The following RBM6 variants were observed in gnomAD, a reference collection of about 807,000 sequenced individuals.
The protein encoded by RBM6 is RNA binding motif protein 6, also known as RNA-binding protein 6.
A neutral mutation model predicts 140.4 loss-of-function variants in RBM6; 23 were observed. The ratio of observed to expected loss-of-function variants is 0.16; its 90% CI spans 0.12 to 0.23. RBM6 has a LOEUF of 0.23. RBM6 is among the 10% of genes least tolerant of loss of function. The probability of loss-of-function intolerance (pLI) is 1.00; values close to 1 mark genes in which losing one functional copy is unlikely to be tolerated. For synonymous variants in RBM6, 439 were observed against 475.6 expected (o/e 0.92, Z 1.00); for missense variants, 1,139 against 1,386.7 (o/e 0.82, Z 2.84).
intron 7 of RBM6, chr3:50,054,068 T>C (rs2089599966): frequency 2.7e-6 from 1 of 371,504 alleles, no homozygotes; most frequent in Non-Finnish European, 4.9e-6. Context: ...CTAGGCATAT[T>C]TCCTATAGGA....
At chr3:50,060,331 C>T (rs1004725107) in intron 11 of RBM6, among the ~76,000 whole-genome samples, 1 of 152,060 alleles carries the variant, frequency 6.6e-6, no homozygotes, top group African/African-American at 2.4e-5. Flanking sequence ...TCATCTTGAC[C>T]CAGGAGTGGT....
At chr3:49,950,672 T>C (rs536949766) in intron 1 of RBM6, among the ~76,000 whole-genome samples, 7 of 152,114 alleles carry the variant, frequency 4.6e-5, no homozygotes, top group Admixed American at 3.3e-4. Context: ...GGAGAATCGC[T>C]TGAATCCGGG....
chr3:49,977,147 A>G (rs1040900497), intron 5 of RBM6, among the ~76,000 whole-genome samples: 3 of 152,292 alleles, frequency 2.0e-5, no homozygotes, highest in East Asian at 3.9e-4. Context: ...TTACAAACCC[A>G]TGCGTGAGCT....
intron 5 of RBM6, among the ~76,000 whole-genome samples, chr3:49,982,825 T>C (rs766289085): frequency 6.6e-6 from 1 of 152,070 alleles, no homozygotes; most frequent in Non-Finnish European, 1.5e-5. Context: ...TCAATTCTCC[T>C]GCCTCAGCCT....
chr3:50,069,101 A>G (rs2090207712), intron 18 of RBM6, among the ~76,000 whole-genome samples: 1 of 152,188 alleles, frequency 6.6e-6, no homozygotes, highest in Non-Finnish European at 1.5e-5. Context: ...TTACTATTAA[A>G]GGCTAAGCTG....
intron 1 of RBM6, among the ~76,000 whole-genome samples, chr3:49,943,221 C>A (rs2083358901): frequency 6.6e-6 from 1 of 152,108 alleles, no homozygotes; most frequent in African/African-American, 2.4e-5. Flanking sequence ...ACAAATATCT[C>A]TTTGAGTCCC....
intron 6 of RBM6, among the ~76,000 whole-genome samples, chr3:50,029,963 G>A (rs2088055758): frequency 6.6e-6 from 1 of 151,254 alleles, no homozygotes; most frequent in Non-Finnish European, 1.5e-5. Flanking sequence ...CCAAGAGGTC[G>A]AGAGTACAGT....
At chr3:49,956,738 T>C (rs2084009647) in intron 1 of RBM6, among the ~76,000 whole-genome samples, 1 of 152,074 alleles carries the variant, frequency 6.6e-6, no homozygotes, top group Admixed American at 6.6e-5. Flanking sequence ...TAATCTCAGC[T>C]CACCGCAGCC....
At chr3:49,943,978 G>T (rs2083388515) in intron 1 of RBM6, among the ~76,000 whole-genome samples, 1 of 152,098 alleles carries the variant, frequency 6.6e-6, no homozygotes, top group Admixed American at 6.6e-5. Flanking sequence ...GTGTGAAGTG[G>T]TATCTCGTTG....
At chr3:50,028,017 C>G (rs2087937023) in intron 6 of RBM6, among the ~76,000 whole-genome samples, 1 of 150,922 alleles carries the variant, frequency 6.6e-6, no homozygotes, top group African/African-American at 2.4e-5. Flanking sequence ...TTGCATTACC[C>G]ATTTGAATTC....
chr3:49,990,656 G>T (rs2108705066), intron 5 of RBM6, among the ~76,000 whole-genome samples: 1 of 152,262 alleles, frequency 6.6e-6, no homozygotes, highest in East Asian at 1.9e-4. Context: ...TTTATCAAAT[G>T]AATCTTTTTT....
intron 6 of RBM6, among the ~76,000 whole-genome samples, chr3:50,021,740 C>CTGTTTT (rs2087492523): frequency 4.7e-5 from 2 of 42,732 alleles, no homozygotes; most frequent in Non-Finnish European, 8.2e-5. Flanking sequence ...AATTTAAGTG[C>CTGTTTT]TTTTTTTTTT....
At chr3:49,965,466 A>G (rs1015988271) in intron 2 of RBM6, among the ~76,000 whole-genome samples, 2 of 151,770 alleles carry the variant, frequency 1.3e-5, no homozygotes, top group African/African-American at 4.8e-5. Context: ...TCAGGAGATC[A>G]AGACCATCCT....
chr3:50,028,779 T>C (rs2087980935), intron 6 of RBM6, among the ~76,000 whole-genome samples: 1 of 152,198 alleles, frequency 6.6e-6, no homozygotes, highest in Admixed American at 6.5e-5. Flanking sequence ...GCTAAATAAA[T>C]ACATATTTGT....
chr3:49,953,536 T>C (rs1192928687), intron 1 of RBM6, among the ~76,000 whole-genome samples: 2 of 148,580 alleles, frequency 1.3e-5, no homozygotes, highest in African/African-American at 5.0e-5. Context: ...TTTTTTTTTT[T>C]TTGAGACCGT....
In RBM6 at chr3:50,048,137, CTT is replaced by C. The variant is rs1363832152; in HGVS notation, c.1558-106_1558-105del. The C allele has an allele frequency of 5.3e-6, 8 of 1,500,532 alleles. No individual in the cohort carries two copies. The East Asian group carries it at 1.5e-4, about 27-fold the overall frequency. The allele number at this position is 1,500,532 out of a possible 1,614,324, so 93.0% of individuals were successfully genotyped here. On this transcript the variant is annotated intron_variant, in intron 6 of 20. Transcript: ENST00000266022. ...CTTTCACCAGTGAATTAAGCTCACT[CTT>C]TATAAAATGTTTCAGCTTGGGGATT...
At chr3:50,060,106 T>A (rs1434405702) in intron 11 of RBM6, among the ~76,000 whole-genome samples, 1 of 152,080 alleles carries the variant, frequency 6.6e-6, no homozygotes, top group Non-Finnish European at 1.5e-5. Context: ...GCAATGAAGA[T>A]GCCTGTGAAT....
At chr3:50,021,190 G>T (rs993026546) in intron 6 of RBM6, among the ~76,000 whole-genome samples, 1 of 152,140 alleles carries the variant, frequency 6.6e-6, no homozygotes, top group African/African-American at 2.4e-5. Context: ...TACAAATGTT[G>T]ATTAGATTGC....
intron 6 of RBM6, among the ~76,000 whole-genome samples, chr3:50,044,476 G>C (rs1023714314): frequency 1.3e-5 from 2 of 151,680 alleles, no homozygotes; most frequent in African/African-American, 4.8e-5. Flanking sequence ...CAAGCTACTC[G>C]AGAGGCCGAG....
Sources: allele counts gnomAD v4.1 joint callset (sites outside exome capture counted in the v4.1 genomes callset), GRCh38; gene constraint gnomAD v4.1.1; transcripts MANE v1.5; gene names NCBI Gene and HGNC (gene_info 2026-07-23, HGNC 2026-07-21).